Variants in UBE2U observed in about 807,000 individuals in gnomAD.
The protein encoded by UBE2U is ubiquitin-conjugating enzyme E2 U.
In UBE2U, 39 loss-of-function variants were observed where a neutral mutation model predicts 41.2. The ratio of observed to expected loss-of-function variants is 0.95; its 90% CI spans 0.73 to 1.24. The LOEUF (loss-of-function observed/expected upper bound fraction) is 1.24, where lower values mean the gene tolerates loss of function less well. Ranked by LOEUF, UBE2U falls within the 50% of genes most tolerant of loss-of-function variation. The pLI is 0.00. For synonymous variants in UBE2U, 107 were observed against 117.8 expected, an observed-to-expected ratio of 0.91 and a Z score of 0.60; for missense variants, 336 against 363.1, an observed-to-expected ratio of 0.93 and a Z score of 0.61.
chr1:64,260,863 G>A (rs1645170782), intron 9 of UBE2U, among the ~76,000 whole-genome samples, 169 bp downstream of exon 9: 1 of 151,960 alleles, frequency 6.6e-6, no homozygotes, highest in Non-Finnish European at 1.5e-5. Context: ...AATTAATTTG[G>A]TAAATTAGTC....
rs575827069 is a variant in UBE2U at position 64,250,261 on chromosome 1, G to GC, written c.677+8529dup. 4.6e-5 allele frequency among the ~76,000 whole-genome samples: 7 copies of GC among 152,150 alleles called. No homozygotes were observed. In the East Asian group the frequency reaches 1.4e-3, roughly 29 times the overall value. ...TTGAAATGAACACATTTCTTGAAAGGCAACATCTACCAAGCCTCACTTAAA... is the reference window on the plus strand; with the variant it reads ...TTGAAATGAACACATTTCTTGAAAGGCCAACATCTACCAAGCCTCACTTAAA... On this transcript the variant is annotated intron_variant, in intron 8 of 9. Coordinates refer to ENST00000371077, the MANE Select transcript of UBE2U (RefSeq NM_001366232.2).
intron 8 of UBE2U, chr1:64,244,200 A>G: frequency 2.5e-6 from 4 of 1,596,424 alleles, no homozygotes; most frequent in Non-Finnish European, 3.4e-6. Flanking sequence ...ATGTTGGAGA[A>G]ATTCTTAACC....
At chr1:64,247,001 G>A (rs1644931106) in intron 8 of UBE2U, among the ~76,000 whole-genome samples, 1 of 152,134 alleles carries the variant, frequency 6.6e-6, no homozygotes, top group African/African-American at 2.4e-5. Flanking sequence ...GGCTATTAGG[G>A]CAGAAAAGAA....
chr1:64,260,696 T>TAAATCG lies in UBE2U; in HGVS notation c.769+4_769+9dup. On this transcript the variant is annotated splice_region_variant and intron_variant, in intron 9 of 9. Transcript: ENST00000371077. ...AAATTAAGCTCTGCCCAACTCTAAGTAAATCGATTCACTCTATTTGTTTTG... is the reference window on the plus strand; with the variant it reads ...AAATTAAGCTCTGCCCAACTCTAAGTAAATCGAAATCGATTCACTCTATTTGTTTTG... The TAAATCG allele has an allele frequency of 6.5e-7, 1 of 1,546,354 alleles. No homozygotes were observed. The highest frequency in any genetic ancestry group is 8.7e-7 in the Non-Finnish European group (1 of 1,144,462).
At chr1:64,204,263 G>A (rs1056618056) in intron 1 of UBE2U, 147 bp downstream of exon 1, 10 of 614,996 alleles carry the variant, frequency 1.6e-5, no homozygotes, top group Non-Finnish European at 2.8e-5. Flanking sequence ...TTTCACTGAA[G>A]TAATGTGTTT....
At chr1:64,258,100 T>G (rs1473105733) in intron 8 of UBE2U, among the ~76,000 whole-genome samples, 1 of 152,176 alleles carries the variant, frequency 6.6e-6, no homozygotes, top group Non-Finnish European at 1.5e-5. Flanking sequence ...ATTGGAGGCT[T>G]TATTTTCACT....
At position 64,267,354 on chromosome 1, in the gene UBE2U, G is replaced by A; in HGVS notation, c.*146G>A. On this transcript the variant is annotated 3_prime_UTR_variant, in exon 10 of 10. Coordinates refer to ENST00000371077, the MANE Select transcript of UBE2U (RefSeq NM_001366232.2). ...CTGCAAGTACAAATTAGAAATATAA[G>A]TACAAATCAGTAAAGATGTTGCTTT... 1 of 639,586 alleles carries A rather than the reference G, an allele frequency of 1.6e-6. No individual in the cohort carries two copies. The highest frequency in any genetic ancestry group is 2.5e-6 in the Non-Finnish European group (1 of 398,834). The allele number at this position is 639,586 out of a possible 1,614,324, so 39.6% of individuals were successfully genotyped here. A position where few individuals can be genotyped will look rare whatever the true frequency, so the allele number is the denominator to read the frequency against.
intron 7 of UBE2U, among the ~76,000 whole-genome samples, chr1:64,237,280 A>T (rs1221569106): frequency 6.9e-6 from 1 of 145,370 alleles, no homozygotes; most frequent in Non-Finnish European, 1.5e-5. Flanking sequence ...ACCCGTACAG[A>T]TGTTGGACAA....
At chr1:64,204,611 T>C (rs1651172942) in intron 1 of UBE2U, among the ~76,000 whole-genome samples, 1 of 152,216 alleles carries the variant, frequency 6.6e-6, no homozygotes, top group Non-Finnish European at 1.5e-5. Flanking sequence ...CATAAATGCC[T>C]TCCCTTTATA....
rs550848857 is a variant in UBE2U at position 64,209,420 on chromosome 1, C to G, written c.242-1322C>G. ...TGGCCCAGAACTTGCTCAACACTCT[C>G]TCCTTCTGACCATACTGGGTATAGT... On this transcript the variant is annotated intron_variant, in intron 3 of 9. Coordinates refer to ENST00000371077, the MANE Select transcript of UBE2U (RefSeq NM_001366232.2). 1.4e-4 allele frequency among the ~76,000 whole-genome samples: 22 copies of G among 152,270 alleles called. No individual in the cohort carries two copies. In the South Asian group the frequency reaches 3.9e-3, roughly 27 times the overall value.
chr1:64,218,485 T>A (rs533744177), intron 5 of UBE2U, among the ~76,000 whole-genome samples: 1 of 152,352 alleles, frequency 6.6e-6, no homozygotes, highest in South Asian at 2.1e-4. Context: ...AATCAGTTTT[T>A]AATGAAATAT....
At chr1:64,246,694 T>C (rs1341589535) in intron 8 of UBE2U, among the ~76,000 whole-genome samples, 4 of 152,202 alleles carry the variant, frequency 2.6e-5, no homozygotes, top group African/African-American at 7.2e-5. Flanking sequence ...GGAAGCTTGG[T>C]AATTCAAGAA....
chr1:64,260,221 T>C (rs705541), intron 8 of UBE2U, among the ~76,000 whole-genome samples: 61,882 of 151,918 alleles, frequency 0.41, 13,466 homozygotes, highest in Middle Eastern at 0.52. Context: ...AACATCTAGC[T>C]TCCAGAACTA....
intron 6 of UBE2U, among the ~76,000 whole-genome samples, chr1:64,226,757 T>C (rs776874053): frequency 2.6e-5 from 4 of 151,816 alleles, no homozygotes; most frequent in Admixed American, 6.6e-5. Context: ...AAAAAAGGTA[T>C]TCAAACCTTT....
At chr1:64,212,039 C>T (rs1274198469) in intron 4 of UBE2U, among the ~76,000 whole-genome samples, 2 of 152,194 alleles carry the variant, frequency 1.3e-5, no homozygotes, top group Middle Eastern at 3.4e-3. Context: ...GGCTAGTCAT[C>T]TTAGCATACT....
At chr1:64,233,165 G>T (rs568735795) in intron 7 of UBE2U, among the ~76,000 whole-genome samples, 1 of 151,812 alleles carries the variant, frequency 6.6e-6, no homozygotes, top group Admixed American at 6.6e-5. Context: ...CTGCCACCAC[G>T]CCCAGCTAAT....
chr1:64,235,414 T>C (rs1644647127), intron 7 of UBE2U, among the ~76,000 whole-genome samples: 1 of 152,252 alleles, frequency 6.6e-6, no homozygotes, highest in Non-Finnish European at 1.5e-5. Context: ...AAATTAAATG[T>C]AAACTTTACA....
At chr1:64,242,178 A>C (rs763089024) in intron 8 of UBE2U, among the ~76,000 whole-genome samples, 10 of 152,182 alleles carry the variant, frequency 6.6e-5, no homozygotes, top group Non-Finnish European at 1.5e-4. Flanking sequence ...AATATATTAA[A>C]TCTAATGAAG....
At chr1:64,223,865 A>T (rs956062494) in intron 6 of UBE2U, among the ~76,000 whole-genome samples, 1 of 152,194 alleles carries the variant, frequency 6.6e-6, no homozygotes, top group Non-Finnish European at 1.5e-5. Context: ...CAGCACATTC[A>T]ACAGGAATGG....
Sources: gnomAD v4.1 joint callset for allele counts (sites outside exome capture counted in the v4.1 genomes callset) on GRCh38, gnomAD v4.1.1 for gene constraint, MANE v1.5 for transcripts, NCBI Gene and HGNC (gene_info 2026-07-23, HGNC 2026-07-21) for gene names.